The following COPB1 variants were observed in gnomAD, a reference collection of about 807,000 sequenced individuals.
The protein encoded by COPB1 is coatomer subunit beta.
Under a neutral mutation model 108.7 loss-of-function variants are expected in COPB1, and 21 were observed. The ratio of observed to expected loss-of-function variants is 0.19; its 90% CI spans 0.14 to 0.28. The LOEUF (loss-of-function observed/expected upper bound fraction) is 0.28, where lower values mean the gene tolerates loss of function less well. Ranked by LOEUF, COPB1 falls within the 10% of genes least tolerant of loss-of-function variation. The pLI, the probability that COPB1 is intolerant of heterozygous loss-of-function variation, is 1.00. For synonymous variants in COPB1, 378 were observed against 386.8 expected (o/e 0.98, Z 0.27); for missense variants, 919 against 1,141.3 (o/e 0.81, Z 2.81).
rs1428301290 is a variant in COPB1 at position 14,493,734 on chromosome 11, T to C, written c.399A>G (p.Leu133=). ...FLCKLKEAEL[L]EPLMPAIRAC... ...CACGAATAGCTGGCATTAAAGGTTC[T>C]AGCAATTCTGCTTCTTTCAATTTGC... The change falls in exon 4 of 22, where the codon CTA becomes CTG. Residue 133 remains leucine (L), a synonymous_variant. Transcript: ENST00000439561. 13 of 1,613,804 alleles carry C rather than the reference T, an allele frequency of 8.1e-6. No homozygotes were observed. Among genetic ancestry groups the C allele is most frequent in the Non-Finnish European group, 1.1e-5 (13 of 1,179,938 alleles).
In COPB1 at chr11:14,475,547, T is replaced by C. The variant is rs1221317227; in HGVS notation, c.1616+238A>G. Among the ~76,000 whole-genome samples the C allele has an allele frequency of 2.0e-5, 3 of 152,292 alleles. No individual in the cohort carries two copies. In the East Asian group the frequency reaches 5.8e-4, roughly 29 times the overall value. ...TTAGCATTTTCTGAGTAAAAATAAT[T>C]TGAGTTTAAACAGAACAGTTATTTC... On this transcript the variant is annotated intron_variant, in intron 13 of 21. Transcript: ENST00000439561.
chr11:14,477,962 C>T (rs1237992366), intron 11 of COPB1, among the ~76,000 whole-genome samples: 1 of 149,328 alleles, frequency 6.7e-6, no homozygotes, highest in East Asian at 2.0e-4. Flanking sequence ...CCTGAGATAG[C>T]GCCACTGCAC....
chr11:14,461,987 T>C lies in COPB1; in HGVS notation c.2411-656A>G, dbSNP rs531324143. Among the ~76,000 whole-genome samples, 3 of 152,304 alleles carry C rather than the reference T, an allele frequency of 2.0e-5. No individual in the cohort carries two copies. In the East Asian group the frequency reaches 5.8e-4, roughly 29 times the overall value. ...TACCTAATACAACATAAATGCTATG[T>C]AAATAGTTATACTGTATTGTTTAGG... On this transcript the variant is annotated intron_variant, in intron 18 of 21. Transcript: ENST00000439561.
rs1367126277 is a variant in COPB1, at chr11:14,488,580, C to T, written c.611G>A (p.Arg204Gln). Residue 204 changes from arginine to glutamine, a missense_variant, in exon 6 of 22, where the codon CGA becomes CAA. Around this residue, in one of 5 missense-constraint regions of COPB1, gnomAD observed 78 missense variants for 95.4 expected, o/e 0.82. Coordinates refer to ENST00000439561, the MANE Select transcript of COPB1 (RefSeq NM_001144061.2). ...FMMLIHADQD[R>Q]ALDYLSTCID... ...GCAAGTACTTAAGTAATCCAAAGCT[C>T]GATCCTAAAAAAAATAAGAATATAT... 2.5e-6 allele frequency: 4 copies of T among 1,594,224 alleles called. No homozygotes were observed. Among genetic ancestry groups the T allele is most frequent in the Non-Finnish European group, 3.4e-6 (4 of 1,168,268 alleles).
chr11:14,458,612 T>C lies in COPB1; in HGVS notation c.2722A>G (p.Asn908Asp), dbSNP rs756814108. 4 of 1,613,886 alleles carry C rather than the reference T, an allele frequency of 2.5e-6. No individual in the cohort carries two copies. Among genetic ancestry groups the C allele is most frequent in the Non-Finnish European group, 3.4e-6 (4 of 1,179,992 alleles). ...TGAATTGGCTTCTCAATGCTGACAT[T>C]TGCAAGTGCATCTTCACCAAATATG... ...RSIFGEDALA[N>D]VSIEKPIHQG... is the part of the protein sequence containing the mutation. Residue 908 changes from asparagine (N) to aspartate (D), a missense_variant, in exon 21 of 22, where the codon AAT (asparagine) becomes GAT (aspartate). By Grantham distance (23) the Asn-to-Asp change is conservative. Around this residue, in one of 5 missense-constraint regions of COPB1, gnomAD observed 705 missense variants for 817.8 expected, o/e 0.86. Coordinates refer to ENST00000439561, the MANE Select transcript of COPB1 (RefSeq NM_001144061.2).
At chr11:14,488,428 A>G (rs1299176731) in intron 6 of COPB1, 64 bp downstream of exon 6, 3 of 890,764 alleles carry the variant, frequency 3.4e-6, no homozygotes, top group Non-Finnish European at 5.2e-6. Flanking sequence ...TCCCAGAAAG[A>G]AAGTATTTAA....
intron 2 of COPB1, among the ~76,000 whole-genome samples, chr11:14,497,199 C>A (rs1171095641): frequency 6.6e-6 from 1 of 151,972 alleles, no homozygotes; most frequent in Non-Finnish European, 1.5e-5. Flanking sequence ...GGGATCACAT[C>A]AAGTTAAAAA....
intron 11 of COPB1, among the ~76,000 whole-genome samples, chr11:14,477,828 C>G (rs1164985301): frequency 6.7e-6 from 1 of 148,166 alleles, no homozygotes; most frequent in East Asian, 2.0e-4. Flanking sequence ...ACATGAGAGG[C>G]GGCGGTTGCA....
At chr11:14,478,241 G>A (rs927588314) in intron 11 of COPB1, among the ~76,000 whole-genome samples, 49 of 151,734 alleles carry the variant, frequency 3.2e-4, no homozygotes, top group African/African-American at 1.1e-3. Context: ...AGGACACAGT[G>A]AAGGCAAATT....
chr11:14,458,003 C>G (rs1219607377), intron 21 of COPB1, 120 bp from the exon 22 acceptor site: 3 of 481,002 alleles, frequency 6.2e-6, no homozygotes, highest in Non-Finnish European at 1.1e-5. Context: ...AAATCAAGGA[C>G]ATACCAAACA....
At chr11:14,460,371 T>C (rs1020202280) in intron 19 of COPB1, 74 bp from the exon 20 acceptor site, 8 of 905,008 alleles carry the variant, frequency 8.8e-6, no homozygotes, top group Non-Finnish European at 1.2e-5. Context: ...CAGTATGTCA[T>C]ATTAAAAACT....
intron 18 of COPB1, among the ~76,000 whole-genome samples, chr11:14,462,518 C>T (rs1850180817): frequency 6.6e-6 from 1 of 152,166 alleles, no homozygotes; most frequent in South Asian, 2.1e-4. Context: ...AGGCATGAGC[C>T]ACTGTGCCCG....
intron 5 of COPB1, 130 bp from the exon 6 acceptor site, chr11:14,488,714 C>G: frequency 2.3e-6 from 1 of 430,816 alleles, no homozygotes; most frequent in East Asian, 3.5e-5. Flanking sequence ...GAGAAATTAA[C>G]TGGGAAAAAA....
intron 19 of COPB1, among the ~76,000 whole-genome samples, chr11:14,460,658 C>G (rs1026442497): frequency 2.0e-5 from 3 of 151,924 alleles, no homozygotes; most frequent in African/African-American, 7.3e-5. Flanking sequence ...CTGGGACTAC[C>G]ACACCGGGCT....
intron 7 of COPB1, among the ~76,000 whole-genome samples, chr11:14,484,949 G>A (rs1430539270): frequency 1.3e-5 from 2 of 152,126 alleles, no homozygotes; most frequent in Admixed American, 6.5e-5. Context: ...AGGGAGAAAG[G>A]TAAATACTCT....
At chr11:14,478,236 ACAGTGAAGGCAAATTTGGCT>A (rs1850572421) in intron 11 of COPB1, among the ~76,000 whole-genome samples, 1 of 151,918 alleles carries the variant, frequency 6.6e-6, no homozygotes, top group Non-Finnish European at 1.5e-5. Flanking sequence ...CATTTAGGAC[ACAGTGAAGGCAAATTTGGCT>A]TAATCTCTTA....
Position 14,464,995 on chromosome 11 carries a change from T to G in COPB1, c.2326A>C (p.Thr776Pro). 6.2e-7 allele frequency: 1 copy of G among 1,609,766 alleles called. No individual in the cohort carries two copies. Among genetic ancestry groups the G allele is most frequent in the Non-Finnish European group, 8.5e-7 (1 of 1,178,818 alleles). ...LKLVEKPSPL[T>P]LAPHDFANIK... ...TTTGCGAAGTCATGAGGAGCAAGAG[T>G]CAAAGGAGACGGCTTTTCCACAAGT... Residue 776 changes from threonine to proline, a missense_variant, in exon 18 of 22, where the codon ACT becomes CCT. By Grantham distance (38) the Thr-to-Pro change is conservative. Around this residue, in one of 5 missense-constraint regions of COPB1, gnomAD observed 705 missense variants for 817.8 expected, o/e 0.86. Coordinates refer to ENST00000439561, the MANE Select transcript of COPB1 (RefSeq NM_001144061.2).
chr11:14,477,180 G>A (rs1023743547), intron 11 of COPB1, among the ~76,000 whole-genome samples, 165 bp from the exon 12 acceptor site: 4 of 149,572 alleles, frequency 2.7e-5, no homozygotes, highest in African/African-American at 7.4e-5. Flanking sequence ...TCAGGAGATC[G>A]AGACCATCCT....
In COPB1 at chr11:14,481,047, T is replaced by C. The variant is rs142670834; in HGVS notation, c.1008A>G (p.Val336=). ...LRVLSTPDLE[V]RKKTLQLALD... ...GTGCTAACTGCAGAGTTTTCTTTCG[T>C]ACTTCTAAGTCTGGTGTGCTCAATA... is the stretch of plus-strand genomic sequence containing the variant. The change falls in exon 9 of 22, where the codon GTA becomes GTG. Residue 336 remains valine, a synonymous_variant. Coordinates refer to ENST00000439561, the MANE Select transcript of COPB1 (RefSeq NM_001144061.2). 4.0e-5 allele frequency: 64 copies of C among 1,613,968 alleles called. 1 individual carries two copies. In the Middle Eastern group the frequency reaches 1.2e-3, roughly 29 times the overall value.
Sources: allele counts gnomAD v4.1 joint callset (sites outside exome capture counted in the v4.1 genomes callset), GRCh38; gene constraint gnomAD v4.1.1; regional missense constraint gnomAD v4.1.1; transcripts MANE v1.5; gene names NCBI Gene and HGNC (gene_info 2026-07-23, HGNC 2026-07-21).